Variants in MEF2A observed in about 807,000 individuals in gnomAD.
MEF2A encodes myocyte enhancer factor 2A.
MEF2A carries 28 observed loss-of-function variants against 55.8 expected under a neutral mutation model. The ratio of observed to expected loss-of-function variants is 0.50; its 90% CI spans 0.37 to 0.69. The LOEUF is 0.69. Among genes scored for constraint, MEF2A ranks in the 30% least tolerant of loss-of-function variants. The probability of loss-of-function intolerance (pLI) is 0.00; values close to 1 mark genes in which losing one functional copy is unlikely to be tolerated. For synonymous variants in MEF2A, 239 were observed against 227.1 expected, an observed-to-expected ratio of 1.05 and a Z score of -0.47; for missense variants, 528 against 626.2, an observed-to-expected ratio of 0.84 and a Z score of 1.67.
At chr15:99,663,739 TTTA>T (rs1567363926) in intron 4 of MEF2A, among the ~76,000 whole-genome samples, 1 of 152,112 alleles carries the variant, frequency 6.6e-6, no homozygotes, top group Non-Finnish European at 1.5e-5. Flanking sequence ...TTTTTGTAAG[TTTA>T]TTATGTAAAA....
At chr15:99,634,757 A>G (rs2043490983) in intron 3 of MEF2A, among the ~76,000 whole-genome samples, 2 of 152,242 alleles carry the variant, frequency 1.3e-5, no homozygotes, top group Non-Finnish European at 2.9e-5. Context: ...AAGCAACTAG[A>G]ATGAGGCTGT....
At chr15:99,675,364 C>A in intron 6 of MEF2A, 35 bp from the exon 7 acceptor site, 1 of 1,573,192 alleles carries the variant, frequency 6.4e-7, no homozygotes, top group Non-Finnish European at 8.8e-7. Flanking sequence ...CATATTCATT[C>A]TCTGCCCTCT....
At chr15:99,607,604 G>C (rs971879488) in intron 2 of MEF2A, among the ~76,000 whole-genome samples, 8 of 152,152 alleles carry the variant, frequency 5.3e-5, no homozygotes, top group Non-Finnish European at 1.2e-4. Context: ...GACATCCTGA[G>C]AAGTATTTGA....
At chr15:99,687,458 A>G (rs923004520) in intron 7 of MEF2A, among the ~76,000 whole-genome samples, 4 of 152,186 alleles carry the variant, frequency 2.6e-5, no homozygotes, top group Non-Finnish European at 5.9e-5. Context: ...TGAAAGGAGC[A>G]GAACAAATAC....
At chr15:99,639,431 A>G (rs2044485270) in intron 3 of MEF2A, among the ~76,000 whole-genome samples, 2 of 152,186 alleles carry the variant, frequency 1.3e-5, no homozygotes, top group Non-Finnish European at 2.9e-5. Context: ...GCTCTCATTC[A>G]ATACAGCTAG....
At chr15:99,691,853 T>A (rs2055534969) in intron 8 of MEF2A, among the ~76,000 whole-genome samples, 1 of 152,242 alleles carries the variant, frequency 6.6e-6, no homozygotes, top group African/African-American at 2.4e-5. Context: ...AGGTAGCCTC[T>A]ATTCCACTCC....
In MEF2A at chr15:99,686,612, G is replaced by T. The variant is rs572219011; in HGVS notation, c.671-3629G>T. Among the ~76,000 whole-genome samples, 5 of 152,248 alleles carry T rather than the reference G, an allele frequency of 3.3e-5. 1 individual carries two copies. Among genetic ancestry groups the T allele is most frequent in the African/African-American group, 1.2e-4 (5 of 41,540 alleles). On this transcript the variant is annotated intron_variant, in intron 7 of 11. Transcript: ENST00000557942. ...CTGTTAATCTGTTAAGTTTTCCTTT[G>T]TTGGTTACCTGATGCTTTTGCCTCT...
chr15:99,578,416 T>G (rs1404179615), intron 1 of MEF2A, among the ~76,000 whole-genome samples: 1 of 152,236 alleles, frequency 6.6e-6, no homozygotes, highest in African/African-American at 2.4e-5. Flanking sequence ...TCCCTTCAGC[T>G]TGAAAGCTCT....
intron 8 of MEF2A, among the ~76,000 whole-genome samples, chr15:99,695,225 A>C (rs1027455071): frequency 6.6e-6 from 1 of 152,162 alleles, no homozygotes; most frequent in Non-Finnish European, 1.5e-5. Context: ...AGCACATGTA[A>C]AAATAAAATA....
chr15:99,699,244 A>G (rs1333566967), intron 8 of MEF2A, among the ~76,000 whole-genome samples: 1 of 152,202 alleles, frequency 6.6e-6, no homozygotes, highest in African/African-American at 2.4e-5. Context: ...CATATAAAGA[A>G]ATGCTACTCA....
chr15:99,687,473 A>G (rs2054512540), intron 7 of MEF2A, among the ~76,000 whole-genome samples: 1 of 152,164 alleles, frequency 6.6e-6, no homozygotes, highest in Admixed American at 6.5e-5. Flanking sequence ...AAATACAGCT[A>G]CTTTTTCCTT....
intron 4 of MEF2A, among the ~76,000 whole-genome samples, chr15:99,658,074 A>G (rs2048039058): frequency 6.6e-6 from 1 of 152,196 alleles, no homozygotes; most frequent in Non-Finnish European, 1.5e-5. Context: ...ACAAGAAAAC[A>G]AGGCACAGTG....
intron 4 of MEF2A, among the ~76,000 whole-genome samples, chr15:99,658,590 C>T (rs537804258): frequency 6.6e-6 from 1 of 150,892 alleles, no homozygotes; most frequent in Admixed American, 6.6e-5. Context: ...AAATCCCATG[C>T]AGAGTAAATG....
At chr15:99,574,835 C>A (rs1256536151) in intron 1 of MEF2A, among the ~76,000 whole-genome samples, 1 of 152,058 alleles carries the variant, frequency 6.6e-6, no homozygotes, top group African/African-American at 2.4e-5. Flanking sequence ...GTCAAAGATG[C>A]AAGTTTATTT....
intron 4 of MEF2A, among the ~76,000 whole-genome samples, chr15:99,651,346 C>T (rs1304291510): frequency 6.6e-6 from 1 of 152,180 alleles, no homozygotes; most frequent in Non-Finnish European, 1.5e-5. Flanking sequence ...CTTGGATTTT[C>T]TGACAGTATC....
chr15:99,636,958 A>C (rs887315407), intron 3 of MEF2A, among the ~76,000 whole-genome samples: 2 of 152,142 alleles, frequency 1.3e-5, no homozygotes, highest in African/African-American at 2.4e-5. Context: ...TTTCCTCACT[A>C]TATGACAGGG....
chr15:99,671,997 A>G (rs527464329), intron 5 of MEF2A, among the ~76,000 whole-genome samples: 5 of 152,208 alleles, frequency 3.3e-5, no homozygotes, highest in African/African-American at 9.6e-5. Flanking sequence ...CTAAAATTCT[A>G]TGATTTATAG....
At chr15:99,679,683 G>A (rs2052837774) in intron 7 of MEF2A, among the ~76,000 whole-genome samples, 1 of 152,112 alleles carries the variant, frequency 6.6e-6, no homozygotes, top group Non-Finnish European at 1.5e-5. Context: ...AATCTGAATG[G>A]TGGTTACGTG....
chr15:99,647,037 A>T (rs1438119837), intron 4 of MEF2A, among the ~76,000 whole-genome samples: 1 of 152,134 alleles, frequency 6.6e-6, no homozygotes, highest in Non-Finnish European at 1.5e-5. Context: ...GATAACTTTG[A>T]TTAAACTACA....
Sources: allele counts gnomAD v4.1 joint callset (sites outside exome capture counted in the v4.1 genomes callset), GRCh38; gene constraint gnomAD v4.1.1; transcripts MANE v1.5; gene names NCBI Gene and HGNC (gene_info 2026-07-23, HGNC 2026-07-21).